Variants in CYP7B1 observed in about 807,000 individuals in gnomAD.
CYP7B1 encodes the protein cytochrome P450 family 7 subfamily B member 1.
CYP7B1 carries 29 observed loss-of-function variants against 42.7 expected under a neutral mutation model. The observed-to-expected ratio is 0.68, with a 90% CI of 0.51 to 0.93. CYP7B1 has a LOEUF of 0.93. Among genes scored for constraint, CYP7B1 ranks in the 40% least tolerant of loss-of-function variants. The pLI is 0.00. For missense variants in CYP7B1, 655 were observed against 600.5 expected (o/e 1.09, Z -0.95); for synonymous variants, 235 against 218.2 (o/e 1.08, Z -0.68).
chr8:64,796,805 T>C (rs1245976885), intron 1 of CYP7B1, among the ~76,000 whole-genome samples: 1 of 152,236 alleles, frequency 6.6e-6, no homozygotes, highest in Non-Finnish European at 1.5e-5. Context: ...TTTATTAACA[T>C]ATATTCATGC....
In CYP7B1 at chr8:64,615,997, G is replaced by C; in HGVS notation, c.544C>G (p.Pro182Ala). The change falls in exon 3 of 6, where the codon CCA becomes GCA. Residue 182 changes from proline to alanine, a missense_variant. Pro to Ala is a conservative substitution (Grantham distance 27). Coordinates refer to ENST00000310193, the MANE Select transcript of CYP7B1 (RefSeq NM_004820.5). ...TCAAATATTATTGAGCTGCAGAATG[G>C]ATACAGTTCTGCCGTGTCCCAACTT... ...TTSWDTAELY[P>A]FCSSIIFEIT... 1 of 1,613,696 alleles carries C rather than the reference G, an allele frequency of 6.2e-7. No individual in the cohort carries two copies. The highest frequency in any genetic ancestry group is 8.5e-7 in the Non-Finnish European group (1 of 1,179,828).
intron 1 of CYP7B1, among the ~76,000 whole-genome samples, chr8:64,680,501 TGTC>T (rs765812678): frequency 6.6e-5 from 10 of 152,080 alleles, no homozygotes; most frequent in Non-Finnish European, 1.2e-4. Flanking sequence ...AGACCTTCTG[TGTC>T]CTGTGGCACT....
At chr8:64,714,275 A>G (rs1807122342) in intron 1 of CYP7B1, among the ~76,000 whole-genome samples, 1 of 152,226 alleles carries the variant, frequency 6.6e-6, no homozygotes, top group Non-Finnish European at 1.5e-5. Flanking sequence ...TGTGGTTTTT[A>G]TAAAGAATAT....
intron 1 of CYP7B1, among the ~76,000 whole-genome samples, chr8:64,723,064 A>C (rs541754219): frequency 5.0e-4 from 76 of 152,318 alleles, no homozygotes; most frequent in African/African-American, 1.7e-3. Context: ...GCCCTGAATC[A>C]GTAGTCTTTA....
chr8:64,693,370 T>C (rs1806777006), intron 1 of CYP7B1, among the ~76,000 whole-genome samples: 1 of 152,192 alleles, frequency 6.6e-6, no homozygotes. Context: ...TGTCTTTGTG[T>C]GTGTTTTGGC....
rs62519842 is a variant in CYP7B1 at position 64,593,079 on chromosome 8, T to C, written c.*3563A>G. 0.073 allele frequency among the ~76,000 whole-genome samples: 11,128 copies of C among 152,272 alleles called. 480 individuals are homozygous for C. Among genetic ancestry groups the C allele is most frequent in the Non-Finnish European group, 0.1 (7,085 of 68,006 alleles). On this transcript the variant is annotated 3_prime_UTR_variant, in exon 6 of 6. Transcript: ENST00000310193. ...AAGCCGAAATTGGAATGGAATAATT[T>C]CCTGTGTTCTCTGTGCCTTAACATC...
chr8:64,754,407 A>G (rs1807776709), intron 1 of CYP7B1, among the ~76,000 whole-genome samples: 1 of 152,208 alleles, frequency 6.6e-6, no homozygotes, highest in Admixed American at 6.5e-5. Context: ...GGAATGTTTT[A>G]TCATTGGAAC....
chr8:64,686,022 C>T (rs1275862124), intron 1 of CYP7B1, among the ~76,000 whole-genome samples: 14 of 96,670 alleles, frequency 1.4e-4, no homozygotes, highest in East Asian at 2.8e-4. Flanking sequence ...CCCCTCAGCC[C>T]GGCCAGCCAC....
chr8:64,708,453 GAA>G (rs1807031608), intron 1 of CYP7B1, among the ~76,000 whole-genome samples: 1 of 152,082 alleles, frequency 6.6e-6, no homozygotes, highest in Non-Finnish European at 1.5e-5. Flanking sequence ...CTTAAGGAAA[GAA>G]GTCATCCAAG....
At chr8:64,754,422 C>T (rs3886001) in intron 1 of CYP7B1, among the ~76,000 whole-genome samples, 1,683 of 152,282 alleles carry the variant, frequency 0.011, 25 homozygotes, top group East Asian at 0.049. Context: ...TGGAACTGTG[C>T]TTGCCCTAAC....
intron 1 of CYP7B1, among the ~76,000 whole-genome samples, chr8:64,656,038 G>A (rs1319213563): frequency 6.6e-6 from 1 of 152,018 alleles, no homozygotes; most frequent in Non-Finnish European, 1.5e-5. Flanking sequence ...AGGGAGAGGA[G>A]CAGAAAAGGT....
chr8:64,592,877 G>T lies in CYP7B1; in HGVS notation c.*3765C>A, dbSNP rs1805057494. On this transcript the variant is annotated 3_prime_UTR_variant, in exon 6 of 6. Transcript: ENST00000310193. ...CTGCATCTTTTAACTGATTTGTCCA[G>T]GACATGTTTTTCTATTTGTAAATAC... is the stretch of plus-strand genomic sequence containing the variant. Among the ~76,000 whole-genome samples the T allele has an allele frequency of 6.6e-6, 1 of 152,126 alleles. No individual in the cohort carries two copies. Among genetic ancestry groups the T allele is most frequent in the Non-Finnish European group, 1.5e-5 (1 of 68,032 alleles).
chr8:64,627,864 C>T (rs569315603), intron 1 of CYP7B1, among the ~76,000 whole-genome samples: 16 of 152,268 alleles, frequency 1.1e-4, no homozygotes, highest in African/African-American at 3.1e-4. Context: ...AATCTGTCTT[C>T]ATCAGTATAT....
chr8:64,619,465 G>C (rs1317040910), intron 2 of CYP7B1, among the ~76,000 whole-genome samples: 1 of 152,170 alleles, frequency 6.6e-6, no homozygotes, highest in African/African-American at 2.4e-5. Context: ...GAATTTCAAA[G>C]TCTGCATTTG....
At position 64,716,059 on chromosome 8, in the gene CYP7B1, C is replaced by G. The variant is rs561555212; in HGVS notation, c.122+82407G>C. ...AAAACATAAAACATGCATTTTAAAT[C>G]TTTTCTTATGTTCTAACATAAGCAT... is the stretch of plus-strand genomic sequence containing the variant. On this transcript the variant is annotated intron_variant, in intron 1 of 5. Transcript: ENST00000310193. Among the ~76,000 whole-genome samples the G allele has an allele frequency of 2.0e-5, 3 of 152,182 alleles. No homozygotes were observed. In the East Asian group the frequency reaches 5.8e-4, roughly 29 times the overall value.
chr8:64,789,298 T>C (rs1804579776), intron 1 of CYP7B1, among the ~76,000 whole-genome samples: 1 of 152,246 alleles, frequency 6.6e-6, no homozygotes, highest in African/African-American at 2.4e-5. Context: ...AAAATGTATA[T>C]GATTCATAAC....
chr8:64,725,754 A>G (rs1337631752), intron 1 of CYP7B1, among the ~76,000 whole-genome samples: 1 of 152,220 alleles, frequency 6.6e-6, no homozygotes, highest in African/African-American at 2.4e-5. Context: ...TGAAAACAGA[A>G]AATATGACTA....
intron 1 of CYP7B1, among the ~76,000 whole-genome samples, chr8:64,717,813 C>T (rs1807180207): frequency 6.6e-6 from 1 of 151,564 alleles, no homozygotes; most frequent in Admixed American, 6.6e-5. Flanking sequence ...CACCACTGCA[C>T]TCCAGCCTGG....
intron 4 of CYP7B1, 148 bp from the exon 5 acceptor site, chr8:64,605,005 A>C (rs1805258971): frequency 2.1e-6 from 2 of 974,380 alleles, no homozygotes; most frequent in South Asian, 2.9e-5. Context: ...GAGGGAGCCA[A>C]GGGTGGCTGT....
Sources: gnomAD v4.1 joint callset for allele counts (sites outside exome capture counted in the v4.1 genomes callset) on GRCh38, gnomAD v4.1.1 for gene constraint, MANE v1.5 for transcripts, NCBI Gene and HGNC (gene_info 2026-07-23, HGNC 2026-07-21) for gene names.